The following GRM8 variants were observed in gnomAD, a reference collection of about 807,000 sequenced individuals.
The protein encoded by GRM8 is glutamate metabotropic receptor 8, also known as metabotropic glutamate receptor 8.
GRM8 carries 47 observed loss-of-function variants against 87.2 expected under a neutral mutation model. The observed-to-expected ratio is 0.54, with a 90% CI of 0.43 to 0.69. The LOEUF (loss-of-function observed/expected upper bound fraction) is 0.69. Ranked by LOEUF, GRM8 falls within the 30% of genes least tolerant of loss-of-function variation. The pLI is 0.00. For missense variants in GRM8, 1,019 were observed against 1,139.2 expected (o/e 0.89, Z 1.52); for synonymous variants, 396 against 404.5 (o/e 0.98, Z 0.25).
intron 3 of GRM8, among the ~76,000 whole-genome samples, chr7:127,104,276 T>TA (rs890992345): frequency 1.4e-4 from 22 of 152,236 alleles, no homozygotes; most frequent in South Asian, 6.2e-4. Context: ...GGTTTTTTTT[T>TA]AAAAACACAC....
At chr7:127,116,146 C>A (rs1367844235) in intron 2 of GRM8, among the ~76,000 whole-genome samples, 3 of 152,116 alleles carry the variant, frequency 2.0e-5, no homozygotes, top group Non-Finnish European at 4.4e-5. Context: ...CTTTAATATT[C>A]CAACTAATTT....
intron 3 of GRM8, among the ~76,000 whole-genome samples, chr7:126,969,084 A>T (rs190523406): frequency 1.3e-5 from 2 of 152,322 alleles, no homozygotes; most frequent in East Asian, 3.9e-4. Flanking sequence ...TAACTTTAAA[A>T]TATTTTATTG....
intron 7 of GRM8, among the ~76,000 whole-genome samples, chr7:126,687,421 G>A (rs1808304262): frequency 6.6e-6 from 1 of 152,120 alleles, no homozygotes; most frequent in Non-Finnish European, 1.5e-5. Context: ...ATGGTTATCT[G>A]TAATTCACTT....
chr7:127,182,179 G>GC (rs1587217802), intron 2 of GRM8, among the ~76,000 whole-genome samples: 1 of 151,966 alleles, frequency 6.6e-6, no homozygotes, highest in African/African-American at 2.4e-5. Context: ...CAAAAAGTGG[G>GC]CTAAGGACAT....
chr7:126,992,203 G>C (rs1171777917), intron 3 of GRM8, among the ~76,000 whole-genome samples: 3 of 152,178 alleles, frequency 2.0e-5, no homozygotes, highest in Non-Finnish European at 4.4e-5. Flanking sequence ...TCCTGACAAG[G>C]TTGGGGATGA....
chr7:126,573,728 G>T (rs1794882294), intron 8 of GRM8, among the ~76,000 whole-genome samples: 1 of 151,896 alleles, frequency 6.6e-6, no homozygotes, highest in African/African-American at 2.4e-5. Flanking sequence ...TGGACTACAG[G>T]GAGTGTGCCA....
chr7:126,533,955 G>C, intron 8 of GRM8, 68 bp from the exon 9 acceptor site: 1 of 1,170,454 alleles, frequency 8.5e-7, no homozygotes, highest in East Asian at 2.4e-5. Context: ...TCCTAGCCAC[G>C]GGTTTGTAAT....
At chr7:127,124,105 CA>C (rs1563528763) in intron 2 of GRM8, among the ~76,000 whole-genome samples, 1 of 152,070 alleles carries the variant, frequency 6.6e-6, no homozygotes, top group Admixed American at 6.6e-5. Flanking sequence ...AAAACATTTT[CA>C]AAAAAGAAAA....
intron 2 of GRM8, among the ~76,000 whole-genome samples, chr7:127,227,127 A>G (rs1797380559): frequency 6.6e-6 from 1 of 152,242 alleles, no homozygotes; most frequent in Admixed American, 6.5e-5. Context: ...GCAAGGGTTA[A>G]CAGAGGAAGG....
At chr7:126,936,019 C>A (rs943186686) in intron 3 of GRM8, among the ~76,000 whole-genome samples, 1 of 152,174 alleles carries the variant, frequency 6.6e-6, no homozygotes, top group Non-Finnish European at 1.5e-5. Flanking sequence ...ATTACCACTA[C>A]CAAGCCTGAA....
At chr7:127,084,833 C>G (rs573187352) in intron 3 of GRM8, 4 of 152,276 alleles carry the variant, frequency 2.6e-5, no homozygotes, top group Non-Finnish European at 5.9e-5. Flanking sequence ...TTTTTAAATA[C>G]TTTAAGTTCT....
At chr7:127,243,793 T>G (rs1323274194) in intron 1 of GRM8, among the ~76,000 whole-genome samples, 1 of 151,734 alleles carries the variant, frequency 6.6e-6, no homozygotes, top group African/African-American at 2.4e-5. Context: ...CAATAAACCT[T>G]ATTTCCATGA....
At position 126,486,550 on chromosome 7, in the gene GRM8, C is replaced by A. The variant is rs542826264; in HGVS notation, c.2431-40178G>T. ...CACCATCTTGAAGGCTGGAACCATT[C>A]GTAAGCTACATATATAGATCTCACA... On this transcript the variant is annotated intron_variant, in intron 9 of 10. Coordinates refer to ENST00000339582, the MANE Select transcript of GRM8 (RefSeq NM_000845.3). Among the ~76,000 whole-genome samples, 280 of 152,102 alleles carry A rather than the reference C, an allele frequency of 1.8e-3. 1 individual carries two copies. The highest frequency in any genetic ancestry group is 2.7e-3 in the Non-Finnish European group (183 of 67,960).
intron 6 of GRM8, among the ~76,000 whole-genome samples, chr7:126,784,014 T>A (rs533357728): frequency 2.6e-5 from 4 of 152,330 alleles, no homozygotes; most frequent in African/African-American, 9.6e-5. Context: ...ATTTAACACA[T>A]CTTTCCTTTA....
chr7:127,120,193 T>C (rs1826951165), intron 2 of GRM8, among the ~76,000 whole-genome samples: 1 of 152,240 alleles, frequency 6.6e-6, no homozygotes, highest in Non-Finnish European at 1.5e-5. Context: ...CTATCATCTA[T>C]GCATGGCTTT....
chr7:127,022,810 A>AGAAGGCAG (rs1816406746), intron 3 of GRM8, among the ~76,000 whole-genome samples: 1 of 152,166 alleles, frequency 6.6e-6, no homozygotes, highest in South Asian at 2.1e-4. Flanking sequence ...TACAATAACT[A>AGAAGGCAG]GAAGGCAGTG....
intron 7 of GRM8, among the ~76,000 whole-genome samples, chr7:126,619,478 C>G (rs1307073990): frequency 6.6e-6 from 1 of 151,180 alleles, no homozygotes; most frequent in East Asian, 1.9e-4. Flanking sequence ...CAAACCTGCA[C>G]GTTGTGCACA....
intron 8 of GRM8, among the ~76,000 whole-genome samples, chr7:126,565,063 T>A (rs1794086854): frequency 6.6e-6 from 1 of 152,024 alleles, no homozygotes; most frequent in South Asian, 2.1e-4. Flanking sequence ...TACCTCAACA[T>A]AATAAAGACC....
intron 6 of GRM8, among the ~76,000 whole-genome samples, chr7:126,900,002 G>A (rs769036667): frequency 6.6e-6 from 1 of 152,012 alleles, no homozygotes; most frequent in Non-Finnish European, 1.5e-5. Flanking sequence ...TTGACTCCCA[G>A]TTCATCTCCT....
Sources: allele counts gnomAD v4.1 joint callset (sites outside exome capture counted in the v4.1 genomes callset), GRCh38; gene constraint gnomAD v4.1.1; transcripts MANE v1.5; gene names NCBI Gene and HGNC (gene_info 2026-07-23, HGNC 2026-07-21).